RELN: variants seen among roughly 807,000 people sequenced by gnomAD.
RELN encodes reelin.
A neutral mutation model predicts 427.6 loss-of-function variants in RELN; 108 were observed. The ratio of observed to expected loss-of-function variants is 0.25; its 90% CI spans 0.22 to 0.30. The LOEUF (loss-of-function observed/expected upper bound fraction) is 0.30. RELN is among the 10% of genes least tolerant of loss of function. RELN has a pLI of 1.00. For missense variants in RELN, 3,715 were observed against 4,302.8 expected, an observed-to-expected ratio of 0.86 and a Z score of 3.82; for synonymous variants, 1,524 against 1,513.4, an observed-to-expected ratio of 1.01 and a Z score of -0.16.
Position 103,523,459 on chromosome 7 carries a change from A to T in RELN, c.7422T>A (p.Asn2474Lys), listed in dbSNP as rs1171377915. 1 of 1,614,010 alleles carries T rather than the reference A, an allele frequency of 6.2e-7. No homozygotes were observed. The highest frequency in any genetic ancestry group is 2.2e-5 in the East Asian group (1 of 44,846). Reference protein sequence around the residue: ...FDKQQTWAIDNVYIGDGCIDM... With the variant: ...FDKQQTWAIDKVYIGDGCIDM... ...CTATGCAGCCATCCCCGATATAGAC[A>T]TTATCTATTGCCCATGTCTGCTGCT... The change falls in exon 47 of 65, where the codon AAT becomes AAA. Residue 2474 changes from asparagine (N) to lysine (K), a missense_variant. This residue lies in a region of RELN where 1,310 missense variants were observed against 1,643.0 expected (regional missense o/e 0.80). Transcript: ENST00000428762.
chr7:103,886,455 A>G (rs566924563), intron 2 of RELN, among the ~76,000 whole-genome samples: 1 of 152,330 alleles, frequency 6.6e-6, no homozygotes, highest in Non-Finnish European at 1.5e-5. Flanking sequence ...TTCTGTACTA[A>G]CAAAAGGTAA....
At chr7:103,912,642 T>G (rs186460180) in intron 2 of RELN, among the ~76,000 whole-genome samples, 73 of 152,254 alleles carry the variant, frequency 4.8e-4, no homozygotes, top group African/African-American at 1.7e-3. Flanking sequence ...TACAAAGACC[T>G]TAATTTATGG....
intron 6 of RELN, among the ~76,000 whole-genome samples, chr7:103,739,710 T>C (rs1790591201): frequency 6.6e-6 from 1 of 152,134 alleles, no homozygotes; most frequent in Non-Finnish European, 1.5e-5. Flanking sequence ...TTCAAACAAG[T>C]CAATCAGCAG....
chr7:103,796,657 C>T (rs1563018705), intron 3 of RELN, among the ~76,000 whole-genome samples: 1 of 151,964 alleles, frequency 6.6e-6, no homozygotes, highest in African/African-American at 2.4e-5. Context: ...TCACTTGAGG[C>T]CAGGACCAGC....
rs149026769 is a variant in RELN, at chr7:103,978,605, C to T, written c.226+10526G>A. On this transcript the variant is annotated intron_variant, in intron 1 of 64. Transcript: ENST00000428762. ...GATGAGCAAAAATCACTAAGCAATACGTGTCAAATCAATCATTATTTTAAT... is the reference window on the plus strand; with the variant it reads ...GATGAGCAAAAATCACTAAGCAATATGTGTCAAATCAATCATTATTTTAAT... 1.6e-4 allele frequency among the ~76,000 whole-genome samples: 24 copies of T among 152,278 alleles called. No homozygotes were observed. In the East Asian group the frequency reaches 4.2e-3, roughly 27 times the overall value.
chr7:103,808,974 C>A (rs929596450), intron 3 of RELN, among the ~76,000 whole-genome samples: 3 of 152,082 alleles, frequency 2.0e-5, no homozygotes, highest in Non-Finnish European at 4.4e-5. Context: ...AAAACAGAAT[C>A]ATAAAATGTA....
chr7:103,519,228 A>AT (rs1829643711), intron 49 of RELN, 95 bp downstream of exon 49: 1 of 928,866 alleles, frequency 1.1e-6, no homozygotes, highest in Admixed American at 1.7e-5. Context: ...CTAGTGAGGC[A>AT]TAAGTCTGAG....
intron 60 of RELN, among the ~76,000 whole-genome samples, chr7:103,488,672 T>G (rs1407628424): frequency 6.6e-6 from 1 of 152,216 alleles, no homozygotes; most frequent in Non-Finnish European, 1.5e-5. Flanking sequence ...TGCTCCTCCT[T>G]GGATAAATCT....
chr7:103,784,350 A>T (rs573944218), intron 3 of RELN, among the ~76,000 whole-genome samples: 1 of 152,156 alleles, frequency 6.6e-6, no homozygotes, highest in Middle Eastern at 3.2e-3. Flanking sequence ...AGATTAAAAA[A>T]TTCCTCAGCA....
At chr7:103,762,867 C>T (rs776451500) in intron 4 of RELN, among the ~76,000 whole-genome samples, 177 of 151,758 alleles carry the variant, frequency 1.2e-3, no homozygotes, top group Non-Finnish European at 7.5e-4. Flanking sequence ...GACAGCTGAA[C>T]AAGATAATAA....
At chr7:103,690,536 CAGCTGGAAAA>C (rs1167895047) in intron 10 of RELN, among the ~76,000 whole-genome samples, 18 of 152,114 alleles carry the variant, frequency 1.2e-4, no homozygotes, top group African/African-American at 4.3e-4. Flanking sequence ...AGAATAGGAG[CAGCTGGAAAA>C]AAATACTTGA....
At chr7:103,530,347 T>G (rs1462016655) in intron 46 of RELN, among the ~76,000 whole-genome samples, 1 of 152,146 alleles carries the variant, frequency 6.6e-6, no homozygotes, top group Non-Finnish European at 1.5e-5. Flanking sequence ...AGTGACTGGG[T>G]TTTAATCAAT....
At chr7:103,850,344 C>T (rs1171086201) in intron 2 of RELN, among the ~76,000 whole-genome samples, 1 of 152,144 alleles carries the variant, frequency 6.6e-6, no homozygotes, top group African/African-American at 2.4e-5. Flanking sequence ...AGCTGAAGGT[C>T]TGTTTGCGGG....
At chr7:103,616,709 T>C (rs919822606) in intron 20 of RELN, among the ~76,000 whole-genome samples, 5 of 152,316 alleles carry the variant, frequency 3.3e-5, no homozygotes, top group Admixed American at 6.5e-5. Context: ...AAATATGCTT[T>C]ACTCCTTTTT....
chr7:103,537,740 A>G (rs897021179), intron 45 of RELN, among the ~76,000 whole-genome samples: 2 of 152,136 alleles, frequency 1.3e-5, no homozygotes, highest in African/African-American at 4.8e-5. Context: ...GCAGACCAAG[A>G]CCTGTTGAGG....
intron 2 of RELN, among the ~76,000 whole-genome samples, chr7:103,869,880 A>G (rs916143579): frequency 5.9e-5 from 9 of 152,112 alleles, no homozygotes; most frequent in Non-Finnish European, 1.5e-5. Flanking sequence ...TATTCTTCAT[A>G]TTTTGGACCA....
At chr7:103,823,664 T>C (rs561718838) in intron 3 of RELN, among the ~76,000 whole-genome samples, 157 of 152,234 alleles carry the variant, frequency 1.0e-3, no homozygotes, top group African/African-American at 3.7e-3. Flanking sequence ...CTAAAATAAT[T>C]ATTGGTATAT....
chr7:103,763,457 T>C (rs1368105182), intron 4 of RELN, among the ~76,000 whole-genome samples: 1 of 152,166 alleles, frequency 6.6e-6, no homozygotes, highest in Non-Finnish European at 1.5e-5. Flanking sequence ...CATTTAGAAG[T>C]CAATGCATTA....
At chr7:103,673,185 T>C (rs1432965330) in intron 11 of RELN, among the ~76,000 whole-genome samples, 4 of 152,154 alleles carry the variant, frequency 2.6e-5, no homozygotes, top group Admixed American at 6.6e-5. Flanking sequence ...CTGTATTTTA[T>C]TGTTTACTTT....
Sources: allele counts gnomAD v4.1 joint callset (sites outside exome capture counted in the v4.1 genomes callset), GRCh38; gene constraint gnomAD v4.1.1; regional missense constraint gnomAD v4.1.1; transcripts MANE v1.5; gene names NCBI Gene and HGNC (gene_info 2026-07-23, HGNC 2026-07-21).